CIMAP1A: variants seen among roughly 807,000 people sequenced by gnomAD.
CIMAP1A encodes the protein ciliary microtubule associated protein 1A.
the CIMAP1A span, chr11:198,303 C>G: frequency 6.2e-7 from 1 of 1,613,920 alleles, no homozygotes; most frequent in Admixed American, 1.7e-5. Context: ...CACCCCAGGT[C>G]CGCAGCAGCC....
At chr11:197,212 C>A in the CIMAP1A span, 9 of 841,516 alleles carry the variant, frequency 1.1e-5, no homozygotes, top group Middle Eastern at 3.5e-4. Context: ...TCAGTGTCAG[C>A]AAGAGCAGGG....
the CIMAP1A span, chr11:197,244 A>C: frequency 8.0e-7 from 1 of 1,242,704 alleles, no homozygotes; most frequent in Non-Finnish European, 1.1e-6. Context: ...AGGGGCCGGC[A>C]TGGGACAGGG....
At chr11:197,296 G>T in the CIMAP1A span, 1 of 1,562,620 alleles carries the variant, frequency 6.4e-7, no homozygotes, top group East Asian at 2.4e-5. Context: ...CTTACGGACA[G>T]AGCTGGCCAT....
chr11:199,474 C>T, the CIMAP1A span: 1 of 1,561,166 alleles, frequency 6.4e-7, no homozygotes, highest in East Asian at 2.4e-5. Flanking sequence ...GGACAAGACC[C>T]TCAAGCCAGG....
the CIMAP1A span, chr11:200,190 T>G: frequency 1.6e-6 from 1 of 641,426 alleles, no homozygotes; most frequent in Admixed American, 3.2e-5. Flanking sequence ...TTTTTTTCTA[T>G]GCTATTTTAC....
the CIMAP1A span, chr11:198,524 A>AG: frequency 1.2e-6 from 2 of 1,613,086 alleles, no homozygotes; most frequent in East Asian, 4.5e-5. Context: ...AAGGCCTCCC[A>AG]GCCCTCCTTT....
the CIMAP1A span, chr11:197,343 T>C: frequency 6.3e-7 from 1 of 1,593,580 alleles, no homozygotes; most frequent in Non-Finnish European, 8.6e-7. Flanking sequence ...GGAGGCCCCA[T>C]CGCCCCCGGG....
the CIMAP1A span, chr11:198,519 C>T: frequency 3.1e-6 from 5 of 1,613,106 alleles, no homozygotes; most frequent in Non-Finnish European, 3.4e-6. Context: ...TCGGCAAGGC[C>T]TCCCAGCCCT....
At chr11:198,662 G>C in the CIMAP1A span, 1 of 1,535,204 alleles carries the variant, frequency 6.5e-7, no homozygotes, top group East Asian at 2.3e-5. Context: ...GGACCCACCA[G>C]TTCGGCCCTG....
At chr11:199,703 A>G in the CIMAP1A span, 1 of 1,436,082 alleles carries the variant, frequency 7.0e-7, no homozygotes, top group Non-Finnish European at 9.1e-7. Flanking sequence ...AGGACCCTGT[A>G]CATTTCCAGC....
the CIMAP1A span, chr11:199,473 C>T: frequency 1.9e-6 from 3 of 1,561,194 alleles, no homozygotes; most frequent in African/African-American, 2.7e-5. Context: ...GGGACAAGAC[C>T]CTCAAGCCAG....
the CIMAP1A span, chr11:200,067 T>C: frequency 6.2e-7 from 1 of 1,608,002 alleles, no homozygotes; most frequent in Non-Finnish European, 8.5e-7. Flanking sequence ...ACACCCGGCA[T>C]CTACACAAGA....
the CIMAP1A span, chr11:198,168 G>A: frequency 6.2e-7 from 1 of 1,606,062 alleles, no homozygotes; most frequent in Admixed American, 1.7e-5. Context: ...CCACCTGCTT[G>A]TCCCAGCAGC....
the CIMAP1A span, chr11:198,824 G>T: frequency 7.2e-7 from 1 of 1,387,210 alleles, no homozygotes; most frequent in Non-Finnish European, 9.3e-7. Context: ...ACAAGAGATG[G>T]GGTTTAGGAA....
chr11:199,496 AC>A, the CIMAP1A span: 1 of 1,556,548 alleles, frequency 6.4e-7, no homozygotes, highest in Non-Finnish European at 8.7e-7. Context: ...CCAGGCGCCC[AC>A]AGCCCTGAGA....
the CIMAP1A span, chr11:199,499 G>GC: frequency 6.4e-7 from 1 of 1,555,674 alleles, no homozygotes; most frequent in Non-Finnish European, 8.7e-7. Context: ...GGCGCCCACA[G>GC]CCCTGAGAAG....
At chr11:200,141 G>A in the CIMAP1A span, 3 of 1,078,844 alleles carry the variant, frequency 2.8e-6, no homozygotes, top group Admixed American at 4.3e-5. Context: ...TGGCCCTGCA[G>A]GGCAGAGCAC....
the CIMAP1A span, chr11:197,378 G>C: frequency 6.3e-7 from 1 of 1,599,938 alleles, no homozygotes. Flanking sequence ...CTCTACAGCA[G>C]CCCTGGACCC....
chr11:199,643 C>G, the CIMAP1A span: 1 of 1,356,478 alleles, frequency 7.4e-7, no homozygotes. Context: ...AAGGACACAG[C>G]CAAGAAGGGG....
Sources: allele counts gnomAD v4.1 joint callset, GRCh38; gene constraint gnomAD v4.1.1; transcripts MANE v1.5; gene names NCBI Gene and HGNC (gene_info 2026-07-23, HGNC 2026-07-21).